Variants in PAPSS2 observed in about 807,000 individuals in gnomAD.
PAPSS2 encodes bifunctional 3'-phosphoadenosine 5'-phosphosulfate synthase 2.
A neutral mutation model predicts 66.5 loss-of-function variants in PAPSS2; 61 were observed. That is an observed-to-expected ratio of 0.92 (90% confidence interval 0.75 to 1.14). The LOEUF is 1.14. PAPSS2 is among the 50% of genes most tolerant of loss of function. PAPSS2 has a pLI of 0.00. For synonymous variants in PAPSS2, 289 were observed against 287.5 expected, an observed-to-expected ratio of 1.01 and a Z score of -0.05; for missense variants, 708 against 789.6, an observed-to-expected ratio of 0.90 and a Z score of 1.24.
At chr10:87,741,394 T>TTTTA (rs755836787) in intron 10 of PAPSS2, 24 bp downstream of exon 10, 10 of 1,587,074 alleles carry the variant, frequency 6.3e-6, no homozygotes, top group Middle Eastern at 3.4e-4. Flanking sequence ...TCTTAGTGCA[T>TTTTA]TTTATTTATT....
chr10:87,739,749 A>T (rs1156976381), intron 9 of PAPSS2, among the ~76,000 whole-genome samples: 1 of 152,266 alleles, frequency 6.6e-6, no homozygotes. Flanking sequence ...CTGTAACTTT[A>T]GACTCGAGAC....
intron 1 of PAPSS2, among the ~76,000 whole-genome samples, chr10:87,691,070 T>G (rs1376458624): frequency 1.3e-5 from 2 of 152,166 alleles, no homozygotes; most frequent in East Asian, 1.9e-4. Flanking sequence ...GTAGAGCTCA[T>G]CTTACAGTAC....
At chr10:87,681,038 G>A (rs950844754) in intron 1 of PAPSS2, among the ~76,000 whole-genome samples, 2 of 152,134 alleles carry the variant, frequency 1.3e-5, no homozygotes, top group Non-Finnish European at 2.9e-5. Context: ...ATTGAGCAAT[G>A]TCTGGAGATC....
intron 9 of PAPSS2, among the ~76,000 whole-genome samples, chr10:87,734,298 C>T (rs1853766401): frequency 6.6e-6 from 1 of 152,088 alleles, no homozygotes; most frequent in Admixed American, 6.6e-5. Flanking sequence ...ACCTTATTAC[C>T]TCCTTTCAGA....
chr10:87,713,098 AC>A lies in PAPSS2; in HGVS notation c.170del (p.Thr57ArgfsTer2). Reference sequence around the variant, plus strand: ...AGGTCTCTCTGGTGCTGGAAAAACAACGATAAGTTTTGCCCTGGAGGAGTAC... The same window carrying A: ...AGGTCTCTCTGGTGCTGGAAAAACAAGATAAGTTTTGCCCTGGAGGAGTAC... Reference protein sequence around the residue: ...LTGLSGAGKTTISFALEEYLV... With the variant: ...LTGLSGAGKTXISFALEEYLV... On this transcript the variant is annotated frameshift_variant, in exon 3 of 13. Coordinates refer to ENST00000456849, the MANE Select transcript of PAPSS2 (RefSeq NM_001015880.2). LOFTEE classifies it high-confidence loss of function. 6.2e-7 allele frequency: 1 copy of A among 1,612,314 alleles called. No homozygotes were observed. The highest frequency in any genetic ancestry group is 8.5e-7 in the Non-Finnish European group (1 of 1,178,728).
At chr10:87,703,929 C>A in intron 1 of PAPSS2, 1 of 496,750 alleles carries the variant, frequency 2.0e-6, no homozygotes, top group Admixed American at 2.1e-5. Flanking sequence ...TTTCCTTTAA[C>A]ATGTGTTTTG....
intron 1 of PAPSS2, among the ~76,000 whole-genome samples, chr10:87,662,353 T>C (rs1191103318): frequency 6.6e-6 from 1 of 152,164 alleles, no homozygotes. Flanking sequence ...GAAGAGGAGA[T>C]AGTTTTGGTT....
rs184048985 is a variant in PAPSS2, at chr10:87,713,662, A to G, written c.381+352A>G. Reference sequence around the variant, plus strand: ...TCGGAAAAAGGATCTAGTTAAAGAAAAGAGCAGTTCATGGCCAAAGCTTCG... The same window carrying G: ...TCGGAAAAAGGATCTAGTTAAAGAAGAGAGCAGTTCATGGCCAAAGCTTCG... On this transcript the variant is annotated intron_variant, in intron 3 of 12. Coordinates refer to ENST00000456849, the MANE Select transcript of PAPSS2 (RefSeq NM_001015880.2). Among the ~76,000 whole-genome samples the G allele has an allele frequency of 1.6e-3, 251 of 152,340 alleles. 1 individual carries two copies. The highest frequency in any genetic ancestry group is 1.9e-3 in the Non-Finnish European group (127 of 68,038).
intron 1 of PAPSS2, among the ~76,000 whole-genome samples, chr10:87,662,581 A>G (rs1852766013): frequency 8.4e-6 from 1 of 118,884 alleles, no homozygotes; most frequent in African/African-American, 3.3e-5. Flanking sequence ...ATACACACAC[A>G]TAGACACCTA....
At chr10:87,734,682 T>TAC (rs1564727359) in intron 9 of PAPSS2, among the ~76,000 whole-genome samples, 2 of 123,766 alleles carry the variant, frequency 1.6e-5, no homozygotes, top group East Asian at 5.0e-4. Flanking sequence ...TATATATATA[T>TAC]ATATATATAT....
At chr10:87,692,837 T>C (rs1853187930) in intron 1 of PAPSS2, among the ~76,000 whole-genome samples, 1 of 152,220 alleles carries the variant, frequency 6.6e-6, no homozygotes, top group African/African-American at 2.4e-5. Context: ...GTTGAGTCTG[T>C]AGCTGTGGCT....
chr10:87,720,117 C>T (rs538971247), intron 7 of PAPSS2, among the ~76,000 whole-genome samples: 1 of 152,298 alleles, frequency 6.6e-6, no homozygotes, highest in East Asian at 1.9e-4. Flanking sequence ...AACTCCTGAC[C>T]TCAAGTGATC....
Position 87,727,428 on chromosome 10 carries a change from G to A in PAPSS2, c.1025G>A (p.Arg342Lys). Residue 342 changes from arginine to lysine, a missense_variant, in exon 9 of 13, where the codon AGA becomes AAA. Physicochemically the swap from Arg to Lys is conservative, Grantham distance 26. Coordinates refer to ENST00000456849, the MANE Select transcript of PAPSS2 (RefSeq NM_001015880.2). The part of the protein sequence containing the change: ...ILRDAEFYEH[R>K]KEERCSRVWG... ...CGAGACGCTGAATTCTATGAACACAGAAAAGAGGAACGCTGTTCCCGTGTT... is the reference window on the plus strand; with the variant it reads ...CGAGACGCTGAATTCTATGAACACAAAAAAGAGGAACGCTGTTCCCGTGTT... 4 of 1,614,108 alleles carry A rather than the reference G, an allele frequency of 2.5e-6. No homozygotes were observed. The highest frequency in any genetic ancestry group is 3.4e-6 in the Non-Finnish European group (4 of 1,180,002).
In PAPSS2 at chr10:87,704,250, C is replaced by T. The variant is rs1853354121; in HGVS notation, c.28-4946C>T. ...GCTGGAGTAATAGAAAATTTAAATG[C>T]AGTTATCAAAGACCAAAAGTTCAGA... On this transcript the variant is annotated intron_variant, in intron 1 of 12. Coordinates refer to ENST00000456849, the MANE Select transcript of PAPSS2 (RefSeq NM_001015880.2). 2.0e-5 allele frequency among the ~76,000 whole-genome samples: 3 copies of T among 152,180 alleles called. No individual in the cohort carries two copies. In the South Asian group the frequency reaches 6.2e-4, roughly 31 times the overall value.
intron 1 of PAPSS2, among the ~76,000 whole-genome samples, chr10:87,672,497 A>G (rs79209959): frequency 0.047 from 7,096 of 152,268 alleles, 471 homozygotes; most frequent in African/African-American, 0.15. Flanking sequence ...TATTTTAATG[A>G]GGACAATGGG....
At chr10:87,729,309 G>A (rs1853700216) in intron 9 of PAPSS2, among the ~76,000 whole-genome samples, 1 of 151,162 alleles carries the variant, frequency 6.6e-6, no homozygotes. Flanking sequence ...CATTTTCCCA[G>A]CAGCGTGTGC....
chr10:87,664,632 T>C (rs1852793326), intron 1 of PAPSS2, among the ~76,000 whole-genome samples: 2 of 152,200 alleles, frequency 1.3e-5, no homozygotes, highest in Non-Finnish European at 2.9e-5. Flanking sequence ...GAGGGGATAA[T>C]TAGGCTTACC....
intron 8 of PAPSS2, among the ~76,000 whole-genome samples, chr10:87,727,051 A>T (rs1432060014): frequency 1.3e-5 from 2 of 152,216 alleles, no homozygotes; most frequent in African/African-American, 4.8e-5. Context: ...CACCTCCATG[A>T]TTTAAAACTC....
chr10:87,727,224 T>G, intron 8 of PAPSS2, 60 bp from the exon 9 acceptor site: 1 of 1,407,796 alleles, frequency 7.1e-7, no homozygotes, highest in Non-Finnish European at 1.0e-6. Flanking sequence ...ATTTGATTCA[T>G]GCTTCAAGGA....
Sources: gnomAD v4.1 joint callset for allele counts (sites outside exome capture counted in the v4.1 genomes callset) on GRCh38, gnomAD v4.1.1 for gene constraint, MANE v1.5 for transcripts, NCBI Gene and HGNC (gene_info 2026-07-23, HGNC 2026-07-21) for gene names.